The following RIMS2 variants were observed in gnomAD, a reference collection of about 807,000 sequenced individuals.
RIMS2 encodes the protein regulating synaptic membrane exocytosis 2.
Under a neutral mutation model 174.4 loss-of-function variants are expected in RIMS2, and 59 were observed. The observed-to-expected ratio is 0.34, with a 90% CI of 0.27 to 0.42. The LOEUF (loss-of-function observed/expected upper bound fraction) is 0.42, where lower values mean the gene tolerates loss of function less well. Among genes scored for constraint, RIMS2 ranks in the 10% least tolerant of loss-of-function variants. The pLI, the probability that RIMS2 is intolerant of heterozygous loss-of-function variation, is 1.00. For synonymous variants in RIMS2, 606 were observed against 572.5 expected (o/e 1.06, Z -0.84); for missense variants, 1,620 against 1,666.3 (o/e 0.97, Z 0.48).
intron 2 of RIMS2, among the ~76,000 whole-genome samples, 184 bp downstream of exon 4, chr8:103,697,480 G>T (rs1176968773): frequency 6.6e-6 from 1 of 151,974 alleles, no homozygotes; most frequent in South Asian, 2.1e-4. Context: ...AGGCCAAGGC[G>T]GGCGGATCAC....
At chr8:103,606,667 C>T (rs1263154421) in intron 1 of RIMS2, among the ~76,000 whole-genome samples, 4 of 152,208 alleles carry the variant, frequency 2.6e-5, no homozygotes, top group South Asian at 4.2e-4. Flanking sequence ...AGGACTTGCT[C>T]TATGAATCTG....
intron 1 of RIMS2, among the ~76,000 whole-genome samples, chr8:103,510,787 ATCT>A (rs1375525155): frequency 2.6e-5 from 4 of 152,140 alleles, no homozygotes; most frequent in Non-Finnish European, 5.9e-5. Context: ...TTCCGGAATA[ATCT>A]TCTTATTTTA....
At chr8:103,689,031 A>G (rs1486192351) in intron 1 of RIMS2, among the ~76,000 whole-genome samples, 3 of 151,730 alleles carry the variant, frequency 2.0e-5, no homozygotes, top group Non-Finnish European at 4.4e-5. Context: ...TGCATCACAT[A>G]TATTTTGGTG....
At chr8:103,587,548 T>G (rs1384436029) in intron 1 of RIMS2, among the ~76,000 whole-genome samples, 4 of 151,858 alleles carry the variant, frequency 2.6e-5, no homozygotes, top group Non-Finnish European at 5.9e-5. Context: ...TCAGCAATAC[T>G]TTAGAAGGAT....
At chr8:103,589,657 T>C (rs1261873128) in intron 1 of RIMS2, among the ~76,000 whole-genome samples, 1 of 151,572 alleles carries the variant, frequency 6.6e-6, no homozygotes, top group Non-Finnish European at 1.5e-5. Context: ...GTTTTTACAA[T>C]AGCTAAGATT....
chr8:104,154,926 C>G (rs2134267014), intron 19 of RIMS2, among the ~76,000 whole-genome samples: 1 of 151,704 alleles, frequency 6.6e-6, no homozygotes, highest in East Asian at 1.9e-4. Context: ...CTACATGATA[C>G]ACTTCCCTGG....
intron 1 of RIMS2, among the ~76,000 whole-genome samples, chr8:103,608,289 G>A (rs182730294): frequency 2.8e-5 from 4 of 143,554 alleles, no homozygotes; most frequent in East Asian, 3.9e-4. Context: ...CTGCTGGGGG[G>A]TGCCTCCCAG....
intron 3 of RIMS2, among the ~76,000 whole-genome samples, chr8:103,819,001 T>C (rs1384678899): frequency 2.0e-5 from 3 of 152,154 alleles, no homozygotes; most frequent in Non-Finnish European, 4.4e-5. Flanking sequence ...TGGAGTTGTT[T>C]TTCAGGAAAA....
intron 19 of RIMS2, among the ~76,000 whole-genome samples, chr8:104,065,502 C>G (rs1194447848): frequency 6.6e-6 from 1 of 152,112 alleles, no homozygotes; most frequent in Admixed American, 6.6e-5. Context: ...CGCTGGATCA[C>G]TTTATCTATA....
At chr8:103,510,525 G>A (rs975342472) in intron 1 of RIMS2, among the ~76,000 whole-genome samples, 1 of 152,096 alleles carries the variant, frequency 6.6e-6, no homozygotes, top group African/African-American at 2.4e-5. Context: ...AAAGAATTAC[G>A]TTCTTTAAGT....
At chr8:104,081,893 A>G (rs2097426902) in intron 19 of RIMS2, among the ~76,000 whole-genome samples, 1 of 152,012 alleles carries the variant, frequency 6.6e-6, no homozygotes, top group African/African-American at 2.4e-5. Context: ...GTTCTCTTGA[A>G]CAAAAAACAA....
At chr8:103,856,047 A>G (rs2099025869) in intron 3 of RIMS2, among the ~76,000 whole-genome samples, 1 of 152,088 alleles carries the variant, frequency 6.6e-6, no homozygotes. Flanking sequence ...CCAAAATTGA[A>G]TCAGATGTTG....
chr8:103,942,985 T>C (rs1419130478), intron 14 of RIMS2, 59 bp downstream of exon 16: 9 of 1,284,332 alleles, frequency 7.0e-6, no homozygotes, highest in African/African-American at 1.5e-5. Flanking sequence ...TTGAGTGATG[T>C]ATGTGATAAA....
chr8:103,980,874 T>C (rs748116577), intron 16 of RIMS2, among the ~76,000 whole-genome samples: 7 of 152,096 alleles, frequency 4.6e-5, no homozygotes, highest in Admixed American at 4.6e-4. Context: ...CAGGAAGGAC[T>C]TTATATTGTG....
intron 19 of RIMS2, among the ~76,000 whole-genome samples, chr8:104,189,610 A>T (rs188202136): frequency 6.8e-6 from 1 of 148,050 alleles, no homozygotes; most frequent in Non-Finnish European, 1.5e-5. Flanking sequence ...TTATGTAAAT[A>T]TATATATATT....
intron 1 of RIMS2, among the ~76,000 whole-genome samples, chr8:103,632,922 A>G (rs563560798): frequency 6.9e-6 from 1 of 145,380 alleles, no homozygotes; most frequent in Non-Finnish European, 1.5e-5. Context: ...TTTAGTAGAG[A>G]TGGGGTTTCA....
At chr8:104,041,190 C>T in intron 19 of RIMS2, 136 bp from the exon 22 acceptor site, 1 of 429,316 alleles carries the variant, frequency 2.3e-6, no homozygotes, top group Non-Finnish European at 4.2e-6. Flanking sequence ...TTATATCTTC[C>T]CTAAAACTGT....
intron 3 of RIMS2, among the ~76,000 whole-genome samples, chr8:103,850,086 A>G (rs866351303): frequency 3.2e-4 from 49 of 152,168 alleles, no homozygotes; most frequent in African/African-American, 8.9e-4. Context: ...GAAATTTGCC[A>G]GTATCTTATT....
chr8:103,601,384 A>G (rs1033265689), intron 1 of RIMS2, among the ~76,000 whole-genome samples: 1 of 152,154 alleles, frequency 6.6e-6, no homozygotes, highest in African/African-American at 2.4e-5. Context: ...CAATAATTAT[A>G]TCCTGTTGCT....
Sources: gnomAD v4.1 joint callset for allele counts (sites outside exome capture counted in the v4.1 genomes callset) on GRCh38, gnomAD v4.1.1 for gene constraint, MANE v1.5 for transcripts, NCBI Gene and HGNC (gene_info 2026-07-23, HGNC 2026-07-21) for gene names.